KCNMA1: variants seen among roughly 807,000 people sequenced by gnomAD.
KCNMA1 encodes potassium calcium-activated channel subfamily M alpha 1.
In KCNMA1, 29 loss-of-function variants were observed where a neutral mutation model predicts 140.0. That is an observed-to-expected ratio of 0.21 (90% CI 0.15 to 0.28). The LOEUF is 0.28. Ranked by LOEUF, KCNMA1 falls within the 10% of genes least tolerant of loss-of-function variation. The pLI, the probability that KCNMA1 is intolerant of heterozygous loss-of-function variation, is 1.00. For missense variants in KCNMA1, 880 were observed against 1,602.2 expected (o/e 0.55, Z 7.70); for synonymous variants, 612 against 611.9 (o/e 1.00, Z 0.00).
chr10:77,236,638 G>T (rs2055567632), intron 3 of KCNMA1, among the ~76,000 whole-genome samples: 1 of 152,110 alleles, frequency 6.6e-6, no homozygotes, highest in Non-Finnish European at 1.5e-5. Flanking sequence ...AAGAAACAGA[G>T]TTTACGTCAC....
chr10:76,964,684 A>G (rs2073164190), intron 20 of KCNMA1, among the ~76,000 whole-genome samples: 1 of 152,182 alleles, frequency 6.6e-6, no homozygotes, highest in Non-Finnish European at 1.5e-5. Flanking sequence ...TTCTATTACT[A>G]AAATCTTTCA....
In KCNMA1 at chr10:77,108,442, T is replaced by C. The variant is rs773907580; in HGVS notation, c.1223+39A>G. On this transcript the variant is annotated intron_variant, in intron 9 of 27. Coordinates refer to ENST00000286628, the MANE Select transcript of KCNMA1 (RefSeq NM_001161352.2). The surrounding 1 kb of genome is among the most constrained non-coding windows in gnomAD (Gnocchi z 4.6). ...AAAAAATGGCATGCAGAGAGGATTCTACCGCAGCAGAGGCAGCAAAACCTC... is the reference window on the plus strand; with the variant it reads ...AAAAAATGGCATGCAGAGAGGATTCCACCGCAGCAGAGGCAGCAAAACCTC... 6 of 1,596,388 alleles carry C rather than the reference T, an allele frequency of 3.8e-6. No individual in the cohort carries two copies. Among genetic ancestry groups the C allele is most frequent in the Non-Finnish European group, 5.1e-6 (6 of 1,165,588 alleles).
At chr10:77,418,376 C>A (rs1475868097) in intron 1 of KCNMA1, among the ~76,000 whole-genome samples, 1 of 152,158 alleles carries the variant, frequency 6.6e-6, no homozygotes, top group Non-Finnish European at 1.5e-5. Context: ...CCTTCTTTCT[C>A]AAGTAAGGTT....
chr10:76,960,618 GTTTTTTT>G (rs55685324), intron 20 of KCNMA1, among the ~76,000 whole-genome samples: 2,439 of 59,360 alleles, frequency 0.041, 16 homozygotes, highest in Middle Eastern at 0.14. Flanking sequence ...TTATGGTTTT[GTTTTTTT>G]TTTTTTTTTT....
intron 18 of KCNMA1, among the ~76,000 whole-genome samples, chr10:77,007,653 G>GTGTGTGTGTGTGTATATATATA: frequency 1.1e-5 from 1 of 88,482 alleles, no homozygotes; most frequent in African/African-American, 4.5e-5. Context: ...TTGTGTGTGT[G>GTGTGTGTGTGTGTATATATATA]TATATATATA....
intron 1 of KCNMA1, among the ~76,000 whole-genome samples, chr10:77,550,622 G>A (rs2062581559): frequency 1.3e-5 from 2 of 152,212 alleles, no homozygotes; most frequent in Admixed American, 1.3e-4. Flanking sequence ...ACTCAGGCAT[G>A]CCTCTCCCCA....
At chr10:77,619,112 G>A (rs2090530715) in intron 1 of KCNMA1, among the ~76,000 whole-genome samples, 1 of 152,184 alleles carries the variant, frequency 6.6e-6, no homozygotes, top group African/African-American at 2.4e-5. Flanking sequence ...AGTCATCCAT[G>A]GCTATGTAAC....
chr10:76,915,950 C>T (rs1865021), intron 23 of KCNMA1, among the ~76,000 whole-genome samples: 85,228 of 151,614 alleles, frequency 0.56, 25,119 homozygotes, highest in Non-Finnish European at 0.64. Flanking sequence ...TCCTGGAGTT[C>T]CTGGGGCAAG....
intron 1 of KCNMA1, among the ~76,000 whole-genome samples, chr10:77,515,499 C>T (rs1203762908): frequency 1.3e-5 from 2 of 152,126 alleles, no homozygotes; most frequent in Non-Finnish European, 1.5e-5. Flanking sequence ...TCAGAGGTCG[C>T]TATCTTTCTC....
chr10:77,379,240 G>A (rs1420479415), intron 2 of KCNMA1, among the ~76,000 whole-genome samples: 2 of 152,138 alleles, frequency 1.3e-5, no homozygotes, highest in East Asian at 3.8e-4. Flanking sequence ...CTGCCTAATG[G>A]AGAGTCAGAA....
At chr10:77,444,946 G>C (rs1387358591) in intron 1 of KCNMA1, among the ~76,000 whole-genome samples, 1 of 152,180 alleles carries the variant, frequency 6.6e-6, no homozygotes, top group Admixed American at 6.5e-5. Context: ...TCCCCAGACA[G>C]AGGCAGGACA....
chr10:77,134,962 C>CACT (rs1233899252), intron 5 of KCNMA1, among the ~76,000 whole-genome samples: 1 of 116,446 alleles, frequency 8.6e-6, no homozygotes, highest in Admixed American at 1.2e-4. Flanking sequence ...CATGCCACCG[C>CACT]ACTCCAGCCT....
chr10:77,269,087 G>A (rs2064262015), intron 2 of KCNMA1, among the ~76,000 whole-genome samples: 1 of 152,136 alleles, frequency 6.6e-6, no homozygotes, highest in South Asian at 2.1e-4. Context: ...TCAAGGAGTT[G>A]GTGGTCACTC....
downstream of KCNMA1, chr10:76,875,585 C>T (rs1440942996): frequency 2.6e-5 from 4 of 152,092 alleles, no homozygotes; most frequent in Non-Finnish European, 5.9e-5. Flanking sequence ...ATGGAAGATC[C>T]TTTATGTGGC....
intron 19 of KCNMA1, among the ~76,000 whole-genome samples, chr10:76,985,231 T>C (rs557496196): frequency 1.2e-4 from 18 of 152,340 alleles, no homozygotes; most frequent in South Asian, 2.1e-4. Context: ...AATTCTAATA[T>C]GTAAAGCACT....
At chr10:77,061,330 C>G (rs147694782) in intron 14 of KCNMA1, among the ~76,000 whole-genome samples, 1 of 152,108 alleles carries the variant, frequency 6.6e-6, no homozygotes, top group African/African-American at 2.4e-5. Context: ...AAAACAAATT[C>G]AAAGAAACAA....
intron 26 of KCNMA1, chr10:76,889,790 G>A: frequency 1.7e-6 from 1 of 586,626 alleles, no homozygotes; most frequent in Non-Finnish European, 3.1e-6. Context: ...GTTTTCCTCT[G>A]GTGTCTCTCC....
intron 13 of KCNMA1, among the ~76,000 whole-genome samples, chr10:77,075,850 C>T (rs73290362): frequency 0.037 from 5,644 of 152,200 alleles, 344 homozygotes; most frequent in African/African-American, 0.13. Flanking sequence ...CGTCCTTTTC[C>T]ATTTGAAGTA....
intron 1 of KCNMA1, chr10:77,634,034 G>T (rs1567999299): frequency 2.3e-6 from 1 of 439,290 alleles, no homozygotes; most frequent in Non-Finnish European, 3.0e-6. Flanking sequence ...CACAGAGCAG[G>T]AAGGGACATT....
Sources: allele counts gnomAD v4.1 joint callset (sites outside exome capture counted in the v4.1 genomes callset), GRCh38; gene constraint gnomAD v4.1.1; non-coding constraint Gnocchi (gnomAD v3.1); transcripts MANE v1.5; gene names NCBI Gene and HGNC (gene_info 2026-07-23, HGNC 2026-07-21).